Variants in CYP20A1 observed in about 807,000 individuals in gnomAD.
CYP20A1 encodes cytochrome P450 20A1.
In CYP20A1, 61 loss-of-function variants were observed where a neutral mutation model predicts 61.4. That is an observed-to-expected ratio of 0.99 (90% confidence interval 0.81 to 1.23). The LOEUF (loss-of-function observed/expected upper bound fraction) is 1.23, where lower values mean the gene tolerates loss of function less well. Among genes scored for constraint, CYP20A1 ranks in the 50% most tolerant of loss-of-function variants. CYP20A1 has a pLI of 0.00. For synonymous variants in CYP20A1, 193 were observed against 188.2 expected (o/e 1.03, Z -0.21); for missense variants, 530 against 542.4 (o/e 0.98, Z 0.23).
rs1367428691 is a variant in CYP20A1 at position 203,272,731 on chromosome 2, A to G, written c.662A>G (p.Lys221Arg). The change falls in exon 6 of 13, where the codon AAA becomes AGA. Residue 221 changes from lysine (K) to arginine (R), a missense_variant. Transcript: ENST00000356079. ...TCACTTGATAAAAACATGACTCGGA[A>G]AAAACAATATGAAGATGGTAAGTTT... Reference protein sequence around the residue: ...DGSLDKNMTRKKQYEDALMQL... With the variant: ...DGSLDKNMTRRKQYEDALMQL... 8 of 1,602,178 alleles carry G rather than the reference A, an allele frequency of 5.0e-6. No individual in the cohort carries two copies. Among genetic ancestry groups the G allele is most frequent in the Non-Finnish European group, 6.8e-6 (8 of 1,176,046 alleles).
intron 3 of CYP20A1, among the ~76,000 whole-genome samples, chr2:203,249,871 A>G (rs1485493083): frequency 6.6e-6 from 1 of 152,182 alleles, no homozygotes; most frequent in Non-Finnish European, 1.5e-5. Context: ...GCCCTTTTAG[A>G]AAAATGGGCA....
At chr2:203,249,173 CAA>C (rs1011483726) in intron 3 of CYP20A1, among the ~76,000 whole-genome samples, 5 of 152,122 alleles carry the variant, frequency 3.3e-5, no homozygotes, top group African/African-American at 1.2e-4. Context: ...CTATAAAACA[CAA>C]GTTAGATAAA....
intron 4 of CYP20A1, chr2:203,259,707 A>AC (rs1472067427): frequency 6.7e-6 from 1 of 149,490 alleles, no homozygotes; most frequent in East Asian, 2.0e-4. Context: ...ATATGGTGAA[A>AC]CCCCATCTCT....
chr2:203,246,690 A>G lies in CYP20A1; in HGVS notation c.123-65A>G, dbSNP rs1365525181. The G allele has an allele frequency of 2.7e-6, 4 of 1,485,882 alleles. No individual in the cohort carries two copies. The African/African-American group carries it at 4.2e-5, about 16-fold the overall frequency. 92.0% of individuals were successfully genotyped at this position (1,485,882 alleles called of 1,614,324 possible). On this transcript the variant is annotated intron_variant, in intron 2 of 12. Transcript: ENST00000356079. Reference sequence around the variant, plus strand: ...TATTGATACAGTTAATTCAGAGTCAACTGTTGTTTTTCTCATTTTTCCAAA... The same window carrying G: ...TATTGATACAGTTAATTCAGAGTCAGCTGTTGTTTTTCTCATTTTTCCAAA...
At chr2:203,239,878 ACGAGGTCAGGATAT>A (rs1310792181) in intron 1 of CYP20A1, among the ~76,000 whole-genome samples, 1 of 152,162 alleles carries the variant, frequency 6.6e-6, no homozygotes, top group Non-Finnish European at 1.5e-5. Flanking sequence ...CGGGCGGATC[ACGAGGTCAGGATAT>A]CGAGACCATC....
chr2:203,239,045 T>A lies in CYP20A1; in HGVS notation c.-18T>A. On this transcript the variant is annotated 5_prime_UTR_variant, in exon 1 of 13. Coordinates refer to ENST00000356079, the MANE Select transcript of CYP20A1 (RefSeq NM_177538.3). ...TGGAGCGGCCGATCCGAGACGTGGC[T>A]CCCTGGGCGGCAGAACCATGTTGGA... 1 of 1,612,724 alleles carries A rather than the reference T, an allele frequency of 6.2e-7. No homozygotes were observed. Among genetic ancestry groups the A allele is most frequent in the Non-Finnish European group, 8.5e-7 (1 of 1,179,102 alleles).
At chr2:203,258,140 T>C (rs1441647820) in intron 4 of CYP20A1, among the ~76,000 whole-genome samples, 2 of 152,200 alleles carry the variant, frequency 1.3e-5, no homozygotes, top group African/African-American at 2.4e-5. Context: ...TGGTCTCAAG[T>C]GATCCTCCTG....
intron 11 of CYP20A1, among the ~76,000 whole-genome samples, chr2:203,294,071 A>G (rs2068664796): frequency 6.6e-6 from 1 of 151,966 alleles, no homozygotes; most frequent in Admixed American, 6.6e-5. Context: ...TGCAGCCTCA[A>G]CCTCCTGGGC....
In CYP20A1 at chr2:203,302,625, T is replaced by C. The variant is rs570172286; in HGVS notation, c.*5717T>C. 1.3e-5 allele frequency among the ~76,000 whole-genome samples: 2 copies of C among 152,272 alleles called. No individual in the cohort carries two copies. Among genetic ancestry groups the C allele is most frequent in the East Asian group, 3.9e-4 (2 of 5,188 alleles). On this transcript the variant is annotated 3_prime_UTR_variant, in exon 13 of 13. Transcript: ENST00000356079. Reference sequence around the variant, plus strand: ...TTGCATTTAACATATTCTGAACCAATAGTCTTTTCTACAAGCAGAACATTA... The same window carrying C: ...TTGCATTTAACATATTCTGAACCAACAGTCTTTTCTACAAGCAGAACATTA...
chr2:203,300,260 C>T lies in CYP20A1; in HGVS notation c.*3352C>T, dbSNP rs1176561794. Among the ~76,000 whole-genome samples, 1 of 152,148 alleles carries T rather than the reference C, an allele frequency of 6.6e-6. No homozygotes were observed. The highest frequency in any genetic ancestry group is 1.5e-5 in the Non-Finnish European group (1 of 68,018). ...GTATGTTTTATCCATAGTTACATGACTAACAAATGATTAAAAAGAAGTTAT... is the reference window on the plus strand; with the variant it reads ...GTATGTTTTATCCATAGTTACATGATTAACAAATGATTAAAAAGAAGTTAT... On this transcript the variant is annotated 3_prime_UTR_variant, in exon 13 of 13. Transcript: ENST00000356079.
intron 5 of CYP20A1, among the ~76,000 whole-genome samples, chr2:203,271,057 T>TATAC (rs2067556987): frequency 4.3e-5 from 1 of 23,246 alleles, no homozygotes; most frequent in Non-Finnish European, 8.4e-5. Flanking sequence ...TATATGTGTA[T>TATAC]ATATATATAT....
intron 3 of CYP20A1, among the ~76,000 whole-genome samples, 174 bp from the exon 4 acceptor site, chr2:203,251,793 G>GTACATA (rs1553513991): frequency 3.1e-5 from 2 of 64,172 alleles, no homozygotes; most frequent in African/African-American, 8.2e-5. Flanking sequence ...ATATATATGT[G>GTACATA]TATATATATA....
At position 203,303,566 on chromosome 2, in the gene CYP20A1, G is replaced by T. The variant is rs2069104090; in HGVS notation, c.*6658G>T. On this transcript the variant is annotated 3_prime_UTR_variant, in exon 13 of 13. Coordinates refer to ENST00000356079, the MANE Select transcript of CYP20A1 (RefSeq NM_177538.3). ...CCAAAAGTAGCGGGCGTGGTGACAG[G>T]TGCCTCTAATCCCAGCTACTCGGGA... is the stretch of plus-strand genomic sequence containing the variant. Among the ~76,000 whole-genome samples the T allele has an allele frequency of 6.6e-6, 1 of 151,830 alleles. No individual in the cohort carries two copies. Among genetic ancestry groups the T allele is most frequent in the Non-Finnish European group, 1.5e-5 (1 of 67,986 alleles).
chr2:203,254,673 T>C (rs576612173), intron 4 of CYP20A1, among the ~76,000 whole-genome samples: 10 of 152,170 alleles, frequency 6.6e-5, no homozygotes, highest in Non-Finnish European at 1.5e-4. Context: ...TAAGCATTTT[T>C]ATAGCACTTA....
chr2:203,275,433 CT>C (rs113081912), intron 6 of CYP20A1, among the ~76,000 whole-genome samples: 20 of 150,580 alleles, frequency 1.3e-4, no homozygotes, highest in Non-Finnish European at 2.4e-4. Flanking sequence ...ATTTTCTTTT[CT>C]TTTTTTTTGT....
intron 11 of CYP20A1, among the ~76,000 whole-genome samples, chr2:203,294,762 G>A (rs1186935669): frequency 6.7e-6 from 1 of 150,296 alleles, no homozygotes; most frequent in Non-Finnish European, 1.5e-5. Context: ...AGCCTCCCAA[G>A]TAGCTGAGAC....
At chr2:203,264,933 G>A (rs200714995) in intron 4 of CYP20A1, among the ~76,000 whole-genome samples, 9 of 151,970 alleles carry the variant, frequency 5.9e-5, no homozygotes, top group East Asian at 3.8e-4. Context: ...GTTTCACCAC[G>A]TTAGCCAGGA....
At chr2:203,243,609 C>G (rs1157051248) in intron 1 of CYP20A1, among the ~76,000 whole-genome samples, 1 of 151,794 alleles carries the variant, frequency 6.6e-6, no homozygotes, top group Non-Finnish European at 1.5e-5. Flanking sequence ...ATTTTGAACT[C>G]CTGACCTCAA....
At chr2:203,243,685 C>CTTTT (rs36041824) in intron 1 of CYP20A1, among the ~76,000 whole-genome samples, 2 of 75,574 alleles carry the variant, frequency 2.6e-5, no homozygotes, top group African/African-American at 4.9e-5. Context: ...CGCCTGGCCT[C>CTTTT]TTTTTTTTTT....
Sources: allele counts gnomAD v4.1 joint callset (sites outside exome capture counted in the v4.1 genomes callset), GRCh38; gene constraint gnomAD v4.1.1; transcripts MANE v1.5; gene names NCBI Gene and HGNC (gene_info 2026-07-23, HGNC 2026-07-21).